Variants in ANKS3 observed in about 807,000 individuals in gnomAD.
The protein encoded by ANKS3 is ankyrin repeat and sterile alpha motif domain containing 3.
ANKS3 carries 62 observed loss-of-function variants against 80.7 expected under a neutral mutation model. The observed-to-expected ratio is 0.77, with a 90% CI of 0.63 to 0.95. The LOEUF (loss-of-function observed/expected upper bound fraction) is 0.95, where lower values mean the gene tolerates loss of function less well. ANKS3 is among the 40% of genes least tolerant of loss of function. ANKS3 has a pLI of 0.00. For missense variants in ANKS3, 1,150 were observed against 883.6 expected, an observed-to-expected ratio of 1.30 and a Z score of -3.82; for synonymous variants, 489 against 355.3, an observed-to-expected ratio of 1.38 and a Z score of -4.23.
chr16:4,708,520 C>T (rs957419145), intron 7 of ANKS3, among the ~76,000 whole-genome samples: 2 of 151,978 alleles, frequency 1.3e-5, no homozygotes, highest in African/African-American at 4.8e-5. Context: ...CAAAGTAAGC[C>T]AAATAAAAAT....
At chr16:4,701,693 C>T in intron 9 of ANKS3, 150 bp from the exon 10 acceptor site, 2 of 649,446 alleles carry the variant, frequency 3.1e-6, no homozygotes, top group Non-Finnish European at 5.2e-6. Context: ...CTGTCCTAAA[C>T]CCTCCCCTCT....
At chr16:4,726,830 G>C (rs1351343494) in intron 4 of ANKS3, 50 bp from the exon 5 acceptor site, 1 of 1,602,020 alleles carries the variant, frequency 6.2e-7, no homozygotes, top group Non-Finnish European at 8.5e-7. Context: ...CTCTGCGTGG[G>C]GCGGGCGCCC....
rs1037680466 is a variant in ANKS3, at chr16:4,703,907, C to G, written c.868+1188G>C. ...TGATTTTGTTAAAGCATTTGTTGTACAGCTATATAGATTAATTACCAACTC... is the reference window on the plus strand; with the variant it reads ...TGATTTTGTTAAAGCATTTGTTGTAGAGCTATATAGATTAATTACCAACTC... On this transcript the variant is annotated intron_variant, in intron 8 of 17. Transcript: ENST00000304283. Among the ~76,000 whole-genome samples, 13 of 152,192 alleles carry G rather than the reference C, an allele frequency of 8.5e-5. No individual in the cohort carries two copies. The East Asian group carries it at 9.6e-4, about 11-fold the overall frequency.
intron 7 of ANKS3, among the ~76,000 whole-genome samples, chr16:4,709,483 G>A (rs190130300): frequency 4.3e-4 from 65 of 152,112 alleles, no homozygotes; most frequent in African/African-American, 1.5e-3. Flanking sequence ...CAAAAGAAAG[G>A]AAATCAGTAT....
At chr16:4,703,403 C>T (rs2080021480) in intron 8 of ANKS3, among the ~76,000 whole-genome samples, 1 of 151,128 alleles carries the variant, frequency 6.6e-6, no homozygotes, top group African/African-American at 2.4e-5. Flanking sequence ...GTATAAGCCA[C>T]TGCACCTGGC....
chr16:4,716,896 C>T (rs1045826228), intron 6 of ANKS3, among the ~76,000 whole-genome samples: 1 of 151,828 alleles, frequency 6.6e-6, no homozygotes, highest in African/African-American at 2.4e-5. Context: ...GCCTCGACGA[C>T]AGACTGAGAT....
rs771400637 is a variant in ANKS3 at position 4,697,401 on chromosome 16, T to G, written c.1826A>C (p.Gln609Pro). The change falls in exon 16 of 18, where the codon CAA becomes CCA. Residue 609 changes from glutamine (Q) to proline (P), a missense_variant. Physicochemically the swap from Gln to Pro is moderately conservative, Grantham distance 76. Transcript: ENST00000304283. ...GAGGCTCATGGCCTGCAGGGACGCT[T>G]GCCAGCCCTTGGAGTCTGTGGTGCA... ...AVPPADSKGW[Q>P]ASLQAMSLPE... 1 of 1,607,928 alleles carries G rather than the reference T, an allele frequency of 6.2e-7. No individual in the cohort carries two copies. The highest frequency in any genetic ancestry group is 1.1e-5 in the South Asian group (1 of 90,862).
chr16:4,719,702 G>A (rs543523758), intron 6 of ANKS3, among the ~76,000 whole-genome samples: 3 of 152,058 alleles, frequency 2.0e-5, no homozygotes, highest in Non-Finnish European at 2.9e-5. Context: ...AGGAGGCTGA[G>A]GCAGAAGGAT....
intron 7 of ANKS3, among the ~76,000 whole-genome samples, chr16:4,706,403 GT>G (rs1029510672): frequency 1.3e-5 from 2 of 151,746 alleles, no homozygotes; most frequent in Non-Finnish European, 2.9e-5. Flanking sequence ...AGCTAATCTT[GT>G]TTTTGTATTT....
chr16:4,733,377 C>A (rs949477161), intron 1 of ANKS3, among the ~76,000 whole-genome samples: 1 of 151,788 alleles, frequency 6.6e-6, no homozygotes, highest in Non-Finnish European at 1.5e-5. Context: ...ATGCAACCTC[C>A]GCCTCCTGGG....
At chr16:4,727,290 T>C (rs2081404110) in intron 3 of ANKS3, 113 bp from the exon 4 acceptor site, 1 of 1,067,898 alleles carries the variant, frequency 9.4e-7, no homozygotes, top group Admixed American at 2.0e-5. Context: ...GCAGAAGTTA[T>C]CTGCCACCCT....
rs2079760511 is a variant in ANKS3, at chr16:4,699,157, T to C, written c.1304A>G (p.Glu435Gly). 1.2e-6 allele frequency: 2 copies of C among 1,614,034 alleles called. No individual in the cohort carries two copies. Among genetic ancestry groups the C allele is most frequent in the African/African-American group, 2.7e-5 (2 of 75,054 alleles). Reference protein sequence around the residue: ...SGPQDLAALLEQIGCLKYLQV... With the variant: ...SGPQDLAALLGQIGCLKYLQV... ...CAGGTACTTCAGACACCCGATCTGCTCCAGCAGTGCGGCAAGGTCCTGGCA... is the reference window on the plus strand; with the variant it reads ...CAGGTACTTCAGACACCCGATCTGCCCCAGCAGTGCGGCAAGGTCCTGGCA... Residue 435 changes from glutamate (E) to glycine (G), a missense_variant, in exon 12 of 18, where the codon GAG becomes GGG. Physicochemically the swap from Glu to Gly is moderately conservative, Grantham distance 98 (BLOSUM62 -2). Transcript: ENST00000304283.
chr16:4,712,090 G>A (rs994420540), intron 7 of ANKS3, among the ~76,000 whole-genome samples: 10 of 152,326 alleles, frequency 6.6e-5, no homozygotes, highest in African/African-American at 1.2e-4. Context: ...TATAGACCAC[G>A]CCGGGAGCGG....
chr16:4,721,339 T>C (rs1291408518), intron 6 of ANKS3, among the ~76,000 whole-genome samples: 1 of 148,972 alleles, frequency 6.7e-6, no homozygotes, highest in Non-Finnish European at 1.5e-5. Context: ...CTGGGTGCGT[T>C]GGCTCGTGCC....
intron 6 of ANKS3, among the ~76,000 whole-genome samples, chr16:4,723,023 G>C (rs2081181878): frequency 6.6e-6 from 1 of 152,064 alleles, no homozygotes; most frequent in Non-Finnish European, 1.5e-5. Flanking sequence ...ACAAAAGGTT[G>C]ACTGACATCA....
chr16:4,697,949 C>T (rs1474193263), intron 15 of ANKS3, 28 bp downstream of exon 15: 6 of 1,532,250 alleles, frequency 3.9e-6, no homozygotes, highest in South Asian at 2.6e-5. Flanking sequence ...CCCCTCTGCC[C>T]AGTGCGGAGT....
intron 6 of ANKS3, among the ~76,000 whole-genome samples, chr16:4,714,721 C>T (rs978659313): frequency 3.4e-4 from 52 of 152,076 alleles, no homozygotes; most frequent in Admixed American, 2.8e-3. Context: ...AGGCCGGGTG[C>T]GGTGGCTCAT....
At position 4,710,774 on chromosome 16, in the gene ANKS3, C is replaced by T. The variant is rs561332987; in HGVS notation, c.709+3277G>A. On this transcript the variant is annotated intron_variant, in intron 7 of 17. Transcript: ENST00000304283. The stretch of plus-strand genomic sequence containing the variant: ...TAACAGGAGAAAATAACCACTGAAA[C>T]AGAGTATTTTATTTTGTTTTATTTT... 3.9e-5 allele frequency among the ~76,000 whole-genome samples: 6 copies of T among 152,234 alleles called. 1 individual carries two copies. Among genetic ancestry groups the T allele is most frequent in the African/African-American group, 1.2e-4 (5 of 41,550 alleles).
At chr16:4,721,419 G>A (rs924496243) in intron 6 of ANKS3, among the ~76,000 whole-genome samples, 1 of 150,892 alleles carries the variant, frequency 6.6e-6, no homozygotes, top group African/African-American at 2.4e-5. Flanking sequence ...GACCAGCCTG[G>A]GCAACGTGGC....
Sources: gnomAD v4.1 joint callset for allele counts (sites outside exome capture counted in the v4.1 genomes callset) on GRCh38, gnomAD v4.1.1 for gene constraint, MANE v1.5 for transcripts, NCBI Gene and HGNC (gene_info 2026-07-23, HGNC 2026-07-21) for gene names.